The following MYO3B variants were observed in gnomAD, a reference collection of about 807,000 sequenced individuals.
The protein encoded by MYO3B is myosin IIIB.
A neutral mutation model predicts 174.6 loss-of-function variants in MYO3B; 156 were observed. The ratio of observed to expected loss-of-function variants is 0.89; its 90% CI spans 0.78 to 1.02. The LOEUF (loss-of-function observed/expected upper bound fraction) is 1.02. MYO3B is among the 50% of genes least tolerant of loss of function. MYO3B has a pLI of 0.00. For synonymous variants in MYO3B, 563 were observed against 569.1 expected (o/e 0.99, Z 0.15); for missense variants, 1,632 against 1,639.4 (o/e 1.00, Z 0.08).
intron 1 of MYO3B, among the ~76,000 whole-genome samples, chr2:170,178,769 G>A (rs1381704688): frequency 6.6e-6 from 1 of 152,174 alleles, no homozygotes; most frequent in East Asian, 1.9e-4. Context: ...GGCAGCTAAA[G>A]CTAAGATAAA....
At chr2:170,459,236 A>G (rs763529868) in intron 23 of MYO3B, among the ~76,000 whole-genome samples, 6 of 152,150 alleles carry the variant, frequency 3.9e-5, no homozygotes, top group East Asian at 1.9e-4. Flanking sequence ...TTTATTCCCT[A>G]ATCTGACCCT....
At chr2:170,633,160 CACA>C (rs1167359297) in intron 32 of MYO3B, among the ~76,000 whole-genome samples, 1 of 152,222 alleles carries the variant, frequency 6.6e-6, no homozygotes, top group Non-Finnish European at 1.5e-5. Context: ...CTGGCAGAGA[CACA>C]ACAAAACAAG....
chr2:170,504,863 G>C (rs1225830574), intron 28 of MYO3B, among the ~76,000 whole-genome samples: 1 of 152,196 alleles, frequency 6.6e-6, no homozygotes, highest in Admixed American at 6.5e-5. Flanking sequence ...GCAGGTTTCA[G>C]TGATTCTGAC....
Position 170,649,150 on chromosome 2 carries a change from ATATATAAAATAATATATAATATAT to A in MYO3B, c.3734-2471_3734-2448del, listed in dbSNP as rs1559201294. On this transcript the variant is annotated intron_variant, in intron 32 of 34. Transcript: ENST00000408978. ...TATATAAAATAATATATAATATATT[ATATATAAAATAATATATAATATAT>A]TATATATAAAATAATATATATTATA... is the stretch of plus-strand genomic sequence containing the variant. Among the ~76,000 whole-genome samples the A allele has an allele frequency of 7.9e-4, 56 of 71,324 alleles. 4 individuals carry two copies. The highest frequency in any genetic ancestry group is 3.4e-3 in the African/African-American group (54 of 15,710). 46.8% of individuals were successfully genotyped at this position (71,324 alleles called of 152,430 possible).
intron 23 of MYO3B, among the ~76,000 whole-genome samples, chr2:170,456,458 T>C (rs1026828832): frequency 3.9e-5 from 6 of 152,062 alleles, no homozygotes; most frequent in Non-Finnish European, 8.8e-5. Flanking sequence ...GATTAAGAGA[T>C]GGGGGTTGGG....
At chr2:170,468,233 T>A (rs1243699276) in intron 25 of MYO3B, among the ~76,000 whole-genome samples, 1 of 152,232 alleles carries the variant, frequency 6.6e-6, no homozygotes, top group Non-Finnish European at 1.5e-5. Flanking sequence ...ATAGGTACAC[T>A]TCTTATCTTC....
At chr2:170,622,734 C>G (rs1399682909) in intron 32 of MYO3B, among the ~76,000 whole-genome samples, 1 of 134,226 alleles carries the variant, frequency 7.5e-6, no homozygotes, top group Non-Finnish European at 1.6e-5. Flanking sequence ...CCCCCCACCC[C>G]ACAACAGGCC....
At position 170,407,853 on chromosome 2, in the gene MYO3B, G is replaced by A. The variant is rs771585439; in HGVS notation, c.2650+9G>A. On this transcript the variant is annotated intron_variant, in intron 22 of 34. Coordinates refer to ENST00000408978, the MANE Select transcript of MYO3B (RefSeq NM_138995.5). ...CCCTCTGACCAAAACAGGTACTTGG[G>A]AACCCTCTGATAGCCCTGCTCTTAA... 3 of 1,613,784 alleles carry A rather than the reference G, an allele frequency of 1.9e-6. No individual in the cohort carries two copies. The highest frequency in any genetic ancestry group is 2.5e-6 in the Non-Finnish European group (3 of 1,179,750).
intron 27 of MYO3B, 112 bp downstream of exon 27, chr2:170,499,920 CCCCTCCCT>C (rs375093507): frequency 5.4e-6 from 4 of 743,396 alleles, no homozygotes; most frequent in African/African-American, 1.8e-5. Flanking sequence ...CCTTCCTTCT[CCCCTCCCT>C]CCCTCCCTTC....
chr2:170,375,734 C>CACAT, intron 9 of MYO3B, among the ~76,000 whole-genome samples: 1 of 151,394 alleles, frequency 6.6e-6, no homozygotes. Context: ...CACACACACA[C>CACAT]ACACACACAC....
chr2:170,289,150 G>A (rs1372799000), intron 7 of MYO3B, among the ~76,000 whole-genome samples: 2 of 152,060 alleles, frequency 1.3e-5, no homozygotes, highest in Non-Finnish European at 2.9e-5. Flanking sequence ...GTTCATCAGT[G>A]ATATCAGCCT....
intron 32 of MYO3B, among the ~76,000 whole-genome samples, chr2:170,564,777 T>C (rs2106262044): frequency 6.6e-6 from 1 of 152,294 alleles, no homozygotes; most frequent in Non-Finnish European, 1.5e-5. Context: ...AGCCACACTG[T>C]AGAATAATAT....
Position 170,577,366 on chromosome 2 carries a change from ATT to A in MYO3B, c.3733+33379_3733+33380del, listed in dbSNP as rs140012282. On this transcript the variant is annotated intron_variant, in intron 32 of 34. Transcript: ENST00000408978. ...CATGTTCACATATCCAGTGGGCCTT[ATT>A]ATACATCTGTTACCTGGCAGGCACT... Among the ~76,000 whole-genome samples the A allele has an allele frequency of 3.0e-3, 453 of 152,290 alleles. 10 individuals are homozygous for A. The East Asian group carries it at 0.035, about 12-fold the overall frequency.
At chr2:170,209,745 A>G (rs982947423) in intron 3 of MYO3B, among the ~76,000 whole-genome samples, 11 of 152,270 alleles carry the variant, frequency 7.2e-5, no homozygotes, top group Admixed American at 7.2e-4. Flanking sequence ...CTGGTTTACA[A>G]TAACATAACA....
intron 32 of MYO3B, among the ~76,000 whole-genome samples, chr2:170,636,976 G>GTGTT (rs1697549316): frequency 6.6e-6 from 1 of 151,692 alleles, no homozygotes; most frequent in Non-Finnish European, 1.5e-5. Context: ...GTGTGTGTGT[G>GTGTT]TGTGTGTGTG....
intron 32 of MYO3B, among the ~76,000 whole-genome samples, chr2:170,602,977 A>G (rs1694607010): frequency 6.6e-6 from 1 of 152,190 alleles, no homozygotes; most frequent in South Asian, 2.1e-4. Context: ...CTGAGGCAGG[A>G]GAATCACTTG....
intron 32 of MYO3B, among the ~76,000 whole-genome samples, chr2:170,572,425 C>G (rs1692498148): frequency 6.9e-6 from 1 of 145,210 alleles, no homozygotes; most frequent in Admixed American, 6.9e-5. Flanking sequence ...AAGACTCTGT[C>G]TCAAAAAAAA....
chr2:170,403,218 A>C (rs1248067331), intron 19 of MYO3B, among the ~76,000 whole-genome samples: 1 of 152,232 alleles, frequency 6.6e-6, no homozygotes. Context: ...CAAGTCACTC[A>C]TTTAAATTTT....
At chr2:170,239,416 A>G (rs949527551) in intron 7 of MYO3B, among the ~76,000 whole-genome samples, 5 of 152,188 alleles carry the variant, frequency 3.3e-5, no homozygotes, top group Admixed American at 2.0e-4. Flanking sequence ...GGGAGTGAGG[A>G]AGGCTGTGGG....
Sources: allele counts gnomAD v4.1 joint callset (sites outside exome capture counted in the v4.1 genomes callset), GRCh38; gene constraint gnomAD v4.1.1; transcripts MANE v1.5; gene names NCBI Gene and HGNC (gene_info 2026-07-23, HGNC 2026-07-21).